Variants in MMAA observed in about 807,000 individuals in gnomAD.
MMAA encodes the protein metabolism of cobalamin associated A, also known as methylmalonic aciduria type A protein, mitochondrial.
Under a neutral mutation model 45.0 loss-of-function variants are expected in MMAA, and 41 were observed. That is an observed-to-expected ratio of 0.91 (90% CI 0.71 to 1.18). The LOEUF (loss-of-function observed/expected upper bound fraction) is 1.18, where lower values mean the gene tolerates loss of function less well. Among genes scored for constraint, MMAA ranks in the 50% most tolerant of loss-of-function variants. The pLI is 0.00. For synonymous variants in MMAA, 154 were observed against 178.2 expected, an observed-to-expected ratio of 0.86 and a Z score of 1.08; for missense variants, 460 against 495.7, an observed-to-expected ratio of 0.93 and a Z score of 0.68.
intron 3 of MMAA, among the ~76,000 whole-genome samples, chr4:145,644,146 C>G (rs902764558): frequency 6.6e-6 from 1 of 152,116 alleles, no homozygotes; most frequent in Admixed American, 6.5e-5. Context: ...TTGAGACCTT[C>G]GTGAGAGTCT....
intron 1 of MMAA, among the ~76,000 whole-genome samples, chr4:145,638,639 AT>A (rs1335355489): frequency 1.3e-5 from 2 of 152,140 alleles, no homozygotes; most frequent in Non-Finnish European, 2.9e-5. Flanking sequence ...TAGTAATCAC[AT>A]TTCTTTTTGT....
intron 4 of MMAA, 126 bp from the exon 5 acceptor site, chr4:145,650,936 G>T: frequency 1.2e-6 from 1 of 821,880 alleles, no homozygotes; most frequent in East Asian, 2.5e-5. Flanking sequence ...ATGTTTAAAG[G>T]AGTGACCAGG....
chr4:145,653,914 G>A (rs1275494072), intron 5 of MMAA, 80 bp from the exon 6 acceptor site: 4 of 1,442,040 alleles, frequency 2.8e-6, no homozygotes. Flanking sequence ...TTAATGAAAT[G>A]TATGACTTTC....
rs561167513 is a variant in MMAA at position 145,659,774 on chromosome 4, C to T, written c.*4340C>T. 2 of 152,226 alleles carry T rather than the reference C, an allele frequency of 1.3e-5. No homozygotes were observed. The highest frequency in any genetic ancestry group is 1.9e-4 in the East Asian group (1 of 5,186). 9.4% of individuals were successfully genotyped at this position (152,226 alleles called of 1,614,324 possible). On this transcript the variant is annotated 3_prime_UTR_variant, in exon 7 of 7. Transcript: ENST00000649156. ...GATCAAATCGGAGTACTTAGCATAT[C>T]TATCATCTCGTGCATTTATCATTTC...
Position 145,655,145 on chromosome 4 carries a change from A to C in MMAA, c.970-2A>C. 1 of 1,613,984 alleles carries C rather than the reference A, an allele frequency of 6.2e-7. No individual in the cohort carries two copies. The highest frequency in any genetic ancestry group is 8.5e-7 in the Non-Finnish European group (1 of 1,179,942). On this transcript the variant is annotated splice_acceptor_variant, in intron 6 of 6. Transcript: ENST00000649156. LOFTEE classifies it high-confidence loss of function. ...ATGGTCTGGTTCTTCCCTTTTCGAT[A>C]GGTAATTCGTATTTCTGCCCGAAGT...
At position 145,626,118 on chromosome 4, in the gene MMAA, AC is replaced by A. The variant is rs1028530530; in HGVS notation, c.-66+6713del. The A allele has an allele frequency of 2.3e-5, 13 of 562,722 alleles. No homozygotes were observed. The Admixed American group carries it at 3.1e-4, about 14-fold the overall frequency. The allele number at this position is 562,722 out of a possible 1,614,324, so 34.9% of individuals were successfully genotyped here. On this transcript the variant is annotated intron_variant, in intron 1 of 6. Coordinates refer to ENST00000649156, the MANE Select transcript of MMAA (RefSeq NM_172250.3). Reference sequence around the variant, plus strand: ...TGGACTGAGACACGGCCCCACACAAACCTAGGGCCCAAAGCTGATTCGATTA... The same window carrying A: ...TGGACTGAGACACGGCCCCACACAAACTAGGGCCCAAAGCTGATTCGATTA...
chr4:145,623,310 AC>A (rs1468929641), intron 1 of MMAA, among the ~76,000 whole-genome samples: 1 of 152,210 alleles, frequency 6.6e-6, no homozygotes, highest in Admixed American at 6.5e-5. Context: ...TGGTTCAAGT[AC>A]TATACTACAT....
chr4:145,627,229 T>C (rs1025644275), intron 1 of MMAA, among the ~76,000 whole-genome samples: 1 of 152,232 alleles, frequency 6.6e-6, no homozygotes, highest in Non-Finnish European at 1.5e-5. Context: ...TGGACATAAT[T>C]TCATGTAGTA....
rs1318394005 is a variant in MMAA, at chr4:145,659,643, C to A, written c.*4209C>A. The stretch of plus-strand genomic sequence containing the variant: ...CCAATCTTAAGATGTGGATAGAGTT[C>A]TTTTTTTTCTTTTTTCAATTTTTAC... On this transcript the variant is annotated 3_prime_UTR_variant, in exon 7 of 7. Coordinates refer to ENST00000649156, the MANE Select transcript of MMAA (RefSeq NM_172250.3). 1 of 151,920 alleles carries A rather than the reference C, an allele frequency of 6.6e-6. No individual in the cohort carries two copies. The highest frequency in any genetic ancestry group is 2.4e-5 in the African/African-American group (1 of 41,354). The allele number at this position is 151,920 out of a possible 1,614,324, so 9.4% of individuals were successfully genotyped here.
At chr4:145,622,694 A>G (rs1578867063) in intron 1 of MMAA, among the ~76,000 whole-genome samples, 1 of 152,240 alleles carries the variant, frequency 6.6e-6, no homozygotes, top group Admixed American at 6.5e-5. Flanking sequence ...AATGTAAACT[A>G]TATTTTGACA....
At chr4:145,638,951 G>T in intron 1 of MMAA, 124 bp from the exon 2 acceptor site, 1 of 612,652 alleles carries the variant, frequency 1.6e-6, no homozygotes, top group Admixed American at 3.0e-5. Flanking sequence ...TCACCCATTT[G>T]TACTACCAAA....
intron 1 of MMAA, chr4:145,625,507 G>T (rs1300022348): frequency 1.4e-6 from 1 of 732,498 alleles, no homozygotes; most frequent in South Asian, 1.3e-5. Context: ...TCCAGGAAGG[G>T]CCCAATATTT....
intron 1 of MMAA, chr4:145,625,203 T>TAA: frequency 7.0e-7 from 1 of 1,420,594 alleles, no homozygotes; most frequent in Non-Finnish European, 9.9e-7. Context: ...GAATGGCTGT[T>TAA]ACACTTTTGA....
intron 3 of MMAA, among the ~76,000 whole-genome samples, chr4:145,645,075 T>C (rs527619997): frequency 6.6e-6 from 1 of 152,324 alleles, no homozygotes; most frequent in East Asian, 1.9e-4. Context: ...CCAAATTTTC[T>C]AAGTAGTAGG....
intron 1 of MMAA, among the ~76,000 whole-genome samples, chr4:145,623,624 T>G (rs745737704): frequency 3.3e-5 from 5 of 152,212 alleles, no homozygotes; most frequent in Non-Finnish European, 7.4e-5. Context: ...TAATCACTAT[T>G]GGCCAGGTTA....
At chr4:145,624,364 C>T in intron 1 of MMAA, 1 of 782,298 alleles carries the variant, frequency 1.3e-6, no homozygotes. Context: ...CTGAGGTTGC[C>T]CATCTTCTTT....
chr4:145,633,290 C>T (rs952944454), intron 1 of MMAA, among the ~76,000 whole-genome samples: 1 of 148,770 alleles, frequency 6.7e-6, no homozygotes, highest in African/African-American at 2.5e-5. Context: ...CTTCTGCCTC[C>T]CAGGTTCAAG....
At chr4:145,642,263 TA>T in intron 2 of MMAA, 99 bp from the exon 3 acceptor site, 1 of 1,302,582 alleles carries the variant, frequency 7.7e-7, no homozygotes, top group Non-Finnish European at 1.1e-6. Flanking sequence ...TTTAATACAT[TA>T]GGGGAAATAG....
At chr4:145,648,267 C>T (rs928721209) in intron 4 of MMAA, among the ~76,000 whole-genome samples, 9 of 151,814 alleles carry the variant, frequency 5.9e-5, no homozygotes, top group Non-Finnish European at 1.2e-4. Flanking sequence ...CCTGCCTCAG[C>T]CCCCCGAGTA....
Sources: gnomAD v4.1 joint callset for allele counts (sites outside exome capture counted in the v4.1 genomes callset) on GRCh38, gnomAD v4.1.1 for gene constraint, MANE v1.5 for transcripts, NCBI Gene and HGNC (gene_info 2026-07-23, HGNC 2026-07-21) for gene names.